The following CIT variants were observed in gnomAD, a reference collection of about 807,000 sequenced individuals.
CIT encodes the protein citron rho-interacting serine/threonine kinase.
A neutral mutation model predicts 272.7 loss-of-function variants in CIT; 79 were observed. The observed-to-expected ratio is 0.29, with a 90% CI of 0.24 to 0.35. CIT has a LOEUF of 0.35. Among genes scored for constraint, CIT ranks in the 10% least tolerant of loss-of-function variants. CIT has a pLI of 1.00. For synonymous variants in CIT, 948 were observed against 995.6 expected, an observed-to-expected ratio of 0.95 and a Z score of 0.90; for missense variants, 1,909 against 2,618.3, an observed-to-expected ratio of 0.73 and a Z score of 5.91.
At position 119,718,444 on chromosome 12, in the gene CIT, C is replaced by T. The variant is rs752025630; in HGVS notation, c.4004-35G>A. The T allele has an allele frequency of 1.3e-6, 2 of 1,578,156 alleles. No homozygotes were observed. Among genetic ancestry groups the T allele is most frequent in the Admixed American group, 1.8e-5 (1 of 56,940 alleles). ...GACCAGGACAATGCCTTTTGGTTAG[C>T]TGGGTCGCCTAGAGGACCAAACTAA... On this transcript the variant is annotated intron_variant, in intron 31 of 47. Coordinates refer to ENST00000392521, the MANE Select transcript of CIT (RefSeq NM_001206999.2). The surrounding 1 kb of genome is among the most constrained non-coding windows in gnomAD (Gnocchi z 4.8).
intron 9 of CIT, among the ~76,000 whole-genome samples, chr12:119,808,149 T>A (rs1208503409): frequency 6.6e-6 from 1 of 152,202 alleles, no homozygotes; most frequent in Non-Finnish European, 1.5e-5. Flanking sequence ...CTCTCTTTTT[T>A]AATCCTAACA....
At chr12:119,874,161 G>A (rs917415920) in intron 2 of CIT, among the ~76,000 whole-genome samples, 1 of 151,976 alleles carries the variant, frequency 6.6e-6, no homozygotes, top group Non-Finnish European at 1.5e-5. Flanking sequence ...TCCGCCTCCC[G>A]GGTTCAAATG....
intron 22 of CIT, among the ~76,000 whole-genome samples, chr12:119,755,679 C>T (rs993720619): frequency 6.6e-6 from 1 of 152,190 alleles, no homozygotes; most frequent in Non-Finnish European, 1.5e-5. Context: ...CCACTGTAGA[C>T]CCAGGCTACA....
chr12:119,738,551 G>A (rs975775417), intron 24 of CIT, among the ~76,000 whole-genome samples: 1 of 151,944 alleles, frequency 6.6e-6, no homozygotes, highest in Admixed American at 6.6e-5. Flanking sequence ...TTTTACAGAT[G>A]AGAGGTCTTG....
At chr12:119,746,707 G>A (rs1440837211) in intron 23 of CIT, among the ~76,000 whole-genome samples, 4 of 152,192 alleles carry the variant, frequency 2.6e-5, no homozygotes, top group African/African-American at 9.7e-5. Flanking sequence ...TTTGGATCAT[G>A]TCAAGCAATC....
chr12:119,829,098 A>G (rs1227584694), intron 7 of CIT, among the ~76,000 whole-genome samples: 1 of 152,150 alleles, frequency 6.6e-6, no homozygotes, highest in Non-Finnish European at 1.5e-5. Context: ...GCAGATGAGG[A>G]AGAAAGAAAA....
chr12:119,796,223 C>A (rs994832626), intron 10 of CIT, among the ~76,000 whole-genome samples: 1 of 152,156 alleles, frequency 6.6e-6, no homozygotes, highest in Non-Finnish European at 1.5e-5. Flanking sequence ...AGGTGTAAGC[C>A]GGTGAATGAC....
intron 46 of CIT, among the ~76,000 whole-genome samples, chr12:119,693,433 T>C (rs1217713275): frequency 2.6e-5 from 4 of 152,330 alleles, no homozygotes; most frequent in South Asian, 4.1e-4. Context: ...CAAACACTTT[T>C]CTGCCCCTCG....
At position 119,873,030 on chromosome 12, in the gene CIT, T is replaced by C. The variant is rs113675904; in HGVS notation, c.96+3043A>G. 7.8e-4 allele frequency among the ~76,000 whole-genome samples: 118 copies of C among 152,226 alleles called. 1 individual carries two copies. The highest frequency in any genetic ancestry group is 2.5e-3 in the African/African-American group (105 of 41,542). ...CCAGGCTAGTCTTGAACTCTTGGAC[T>C]CAAGCAATCCACCTGCCTCAGCCTC... is the stretch of plus-strand genomic sequence containing the variant. On this transcript the variant is annotated intron_variant, in intron 2 of 47. Coordinates refer to ENST00000392521, the MANE Select transcript of CIT (RefSeq NM_001206999.2).
chr12:119,862,830 A>AAAAAAAAAAAAAAAAAAAAAAAAAAC (rs1950389402), intron 3 of CIT, among the ~76,000 whole-genome samples: 1 of 137,800 alleles, frequency 7.3e-6, no homozygotes, highest in Non-Finnish European at 1.5e-5. Context: ...AAAAAAAAAA[A>AAAAAAAAAAAAAAAAAAAAAAAAAAC]AAAAAAAAAA....
intron 19 of CIT, among the ~76,000 whole-genome samples, chr12:119,765,721 C>T (rs1255070896): frequency 5.3e-5 from 8 of 151,948 alleles, no homozygotes; most frequent in Admixed American, 5.2e-4. Flanking sequence ...ATTCACCCAT[C>T]TCGGCCTCCC....
At position 119,686,437 on chromosome 12, in the gene CIT, C is replaced by T. The variant is rs1955583553; in HGVS notation, c.*1795G>A. On this transcript the variant is annotated 3_prime_UTR_variant, in exon 48 of 48. Coordinates refer to ENST00000392521, the MANE Select transcript of CIT (RefSeq NM_001206999.2). ...CCAAGCAACACATAAAACGCCACAG[C>T]AGGACATTTGCCAAAGGAGCTACCA... The T allele has an allele frequency of 1.3e-5, 2 of 152,192 alleles. No homozygotes were observed. Among genetic ancestry groups the T allele is most frequent in the South Asian group, 4.1e-4 (2 of 4,834 alleles). 9.4% of individuals were successfully genotyped at this position (152,192 alleles called of 1,614,324 possible). A position where few individuals can be genotyped will look rare whatever the true frequency, so the allele number is the denominator to read the frequency against.
chr12:119,783,286 G>GA (rs1233627596), intron 12 of CIT: 7 of 152,158 alleles, frequency 4.6e-5, no homozygotes, highest in Non-Finnish European at 8.8e-5. Flanking sequence ...TCTCCCTTGT[G>GA]AAAAAAACTT....
At chr12:119,855,388 A>G (rs112745712) in intron 4 of CIT, among the ~76,000 whole-genome samples, 7,431 of 152,108 alleles carry the variant, frequency 0.049, 357 homozygotes, top group African/African-American at 0.12. Flanking sequence ...GCACCACTGC[A>G]CTCCAGCCTG....
chr12:119,759,953 G>A (rs573585694), intron 20 of CIT, among the ~76,000 whole-genome samples: 19 of 151,860 alleles, frequency 1.3e-4, no homozygotes, highest in Admixed American at 2.6e-4. Context: ...TTGGGAGGCC[G>A]AGGTGGGCAG....
Position 119,804,336 on chromosome 12 carries a change from G to A in CIT, c.1112-947C>T. 8 of 985,630 alleles carry A rather than the reference G, an allele frequency of 8.1e-6. No homozygotes were observed. Among genetic ancestry groups the A allele is most frequent in the Non-Finnish European group, 9.6e-6 (8 of 830,070 alleles). The allele number at this position is 985,630 out of a possible 1,614,324, so 61.1% of individuals were successfully genotyped here. A position where few individuals can be genotyped will look rare whatever the true frequency, so the allele number is the denominator to read the frequency against. The stretch of plus-strand genomic sequence containing the variant: ...GCCAGAAACGTTACCATGGTTGCAA[G>A]CTGAGGCGTCCGTGGCGGGCCAGCC... On this transcript the variant is annotated intron_variant, in intron 9 of 47. Coordinates refer to ENST00000392521, the MANE Select transcript of CIT (RefSeq NM_001206999.2). This position sits in a 1 kb window ranked among gnomAD's most constrained non-coding sequence, Gnocchi z 5.3.
chr12:119,851,537 A>G (rs556666476), intron 4 of CIT, among the ~76,000 whole-genome samples: 1 of 152,364 alleles, frequency 6.6e-6, no homozygotes, highest in African/African-American at 2.4e-5. Flanking sequence ...AAAGCAGGAA[A>G]GTATTCAATG....
intron 29 of CIT, 24 bp from the exon 30 acceptor site, chr12:119,720,609 A>C (rs1281253973): frequency 2.0e-6 from 3 of 1,509,138 alleles, no homozygotes; most frequent in East Asian, 2.3e-5. Context: ...AAACAAACTA[A>C]CCTCAAATCC....
intron 15 of CIT, 95 bp downstream of exon 15, chr12:119,776,263 A>G: frequency 1.1e-6 from 1 of 944,260 alleles, no homozygotes; most frequent in South Asian, 1.4e-5. Flanking sequence ...TCATTGATGA[A>G]GAATACTCTT....
Sources: gnomAD v4.1 joint callset for allele counts (sites outside exome capture counted in the v4.1 genomes callset) on GRCh38, gnomAD v4.1.1 for gene constraint, Gnocchi (gnomAD v3.1) non-coding constraint, MANE v1.5 for transcripts, NCBI Gene and HGNC (gene_info 2026-07-23, HGNC 2026-07-21) for gene names.